Variants in ARSB observed in about 807,000 individuals in gnomAD.
The protein encoded by ARSB is N-acetylgalactosamine-4-sulfatase.
A neutral mutation model predicts 50.9 loss-of-function variants in ARSB; 41 were observed. The ratio of observed to expected loss-of-function variants is 0.81; its 90% CI spans 0.63 to 1.04. The LOEUF is 1.04. Ranked by LOEUF, ARSB falls within the 50% of genes least tolerant of loss-of-function variation. The pLI, the probability that ARSB is intolerant of heterozygous loss-of-function variation, is 0.00. For synonymous variants in ARSB, 269 were observed against 284.8 expected (o/e 0.94, Z 0.56); for missense variants, 672 against 693.3 (o/e 0.97, Z 0.35).
At chr5:78,798,518 G>T (rs752258985) in intron 6 of ARSB, among the ~76,000 whole-genome samples, 13 of 152,026 alleles carry the variant, frequency 8.6e-5, no homozygotes, top group Non-Finnish European at 1.6e-4. Flanking sequence ...CCCCTACATG[G>T]CATTTAGTGC....
At chr5:78,928,305 CTTTTTTTTTTTTTT>C (rs34737292) in intron 4 of ARSB, among the ~76,000 whole-genome samples, 2 of 72,574 alleles carry the variant, frequency 2.8e-5, no homozygotes, top group African/African-American at 5.0e-5. Flanking sequence ...TTTGCTTTTG[CTTTTTTTTTTTTTT>C]TTTTTTTTTT....
intron 4 of ARSB, among the ~76,000 whole-genome samples, chr5:78,894,098 T>A (rs1327443483): frequency 6.6e-6 from 1 of 152,152 alleles, no homozygotes; most frequent in Non-Finnish European, 1.5e-5. Context: ...AGAGAAGTAA[T>A]GAATGAGAAA....
intron 5 of ARSB, chr5:78,882,830 C>T (rs1286637860): frequency 8.3e-6 from 1 of 119,992 alleles, no homozygotes; most frequent in African/African-American, 3.2e-5. Context: ...GTCGCCGAGG[C>T]TGGAGTGCAG....
intron 3 of ARSB, among the ~76,000 whole-genome samples, chr5:78,960,682 A>C (rs996766315): frequency 2.0e-5 from 3 of 152,176 alleles, no homozygotes; most frequent in African/African-American, 7.2e-5. Context: ...CTCCTGCCTC[A>C]GCCTCCTGAC....
At chr5:78,897,297 T>C (rs1748608263) in intron 4 of ARSB, among the ~76,000 whole-genome samples, 1 of 152,164 alleles carries the variant, frequency 6.6e-6, no homozygotes, top group African/African-American at 2.4e-5. Flanking sequence ...CATTGCATCC[T>C]GAGCCCCCTA....
chr5:78,946,465 A>G (rs952687795), intron 4 of ARSB, among the ~76,000 whole-genome samples: 1 of 152,248 alleles, frequency 6.6e-6, no homozygotes, highest in Non-Finnish European at 1.5e-5. Context: ...CTATGTGCCA[A>G]CAGTGAACAA....
At chr5:78,940,527 T>C (rs1441294800) in intron 4 of ARSB, among the ~76,000 whole-genome samples, 8 of 152,228 alleles carry the variant, frequency 5.3e-5, no homozygotes, top group Non-Finnish European at 1.2e-4. Flanking sequence ...CCCAGCACCA[T>C]TTATTAAATA....
Position 78,778,606 on chromosome 5 carries a change from C to T in ARSB, c.*1791G>A, listed in dbSNP as rs920969946. The T allele has an allele frequency of 6.6e-6, 1 of 152,342 alleles. No homozygotes were observed. 9.4% of individuals were successfully genotyped at this position (152,342 alleles called of 1,614,324 possible). A position where few individuals can be genotyped will look rare whatever the true frequency, so the allele number is the denominator to read the frequency against. On this transcript the variant is annotated 3_prime_UTR_variant, in exon 8 of 8. Transcript: ENST00000264914. Reference sequence around the variant, plus strand: ...TATGCTCCTACCCCAGGAGGGGCAGCTTGAGAACAGAAAAGCAACAGCTGG... The same window carrying T: ...TATGCTCCTACCCCAGGAGGGGCAGTTTGAGAACAGAAAAGCAACAGCTGG...
Position 78,868,513 on chromosome 5 carries a change from T to G in ARSB, c.1142+17071A>C, listed in dbSNP as rs1485952992. 2.4e-5 allele frequency among the ~76,000 whole-genome samples: 3 copies of G among 127,146 alleles called. No homozygotes were observed. In the South Asian group the frequency reaches 8.6e-4, roughly 37 times the overall value. 83.4% of individuals were successfully genotyped at this position (127,146 alleles called of 152,430 possible). On this transcript the variant is annotated intron_variant, in intron 5 of 7. Coordinates refer to ENST00000264914, the MANE Select transcript of ARSB (RefSeq NM_000046.5). ...GGAGAGTGGGGGCCAATATTCAACA[T>G]TCTTAAAGAAAAGAATTTTCAACCC...
intron 6 of ARSB, among the ~76,000 whole-genome samples, chr5:78,828,980 A>C (rs34026363): frequency 0.1 from 15,990 of 152,306 alleles, 1,002 homozygotes; most frequent in Non-Finnish European, 0.14. Flanking sequence ...CCAGGTTCAA[A>C]GAATGTGCTA....
intron 4 of ARSB, among the ~76,000 whole-genome samples, chr5:78,943,812 T>C (rs1412663755): frequency 1.3e-5 from 2 of 152,222 alleles, no homozygotes; most frequent in Non-Finnish European, 2.9e-5. Flanking sequence ...TTCCTGAATC[T>C]GAATGTTGGC....
chr5:78,840,312 C>T (rs1452129182), intron 5 of ARSB, among the ~76,000 whole-genome samples: 1 of 152,144 alleles, frequency 6.6e-6, no homozygotes, highest in Non-Finnish European at 1.5e-5. Flanking sequence ...GTTAACACCA[C>T]AGGATTCATA....
At chr5:78,968,075 CTTA>C (rs1043553997) in intron 2 of ARSB, among the ~76,000 whole-genome samples, 2 of 151,946 alleles carry the variant, frequency 1.3e-5, no homozygotes, top group African/African-American at 4.8e-5. Flanking sequence ...TTATAAAATA[CTTA>C]TTATTATTTC....
intron 5 of ARSB, among the ~76,000 whole-genome samples, chr5:78,882,133 C>T (rs1173078484): frequency 6.6e-6 from 1 of 152,146 alleles, no homozygotes; most frequent in East Asian, 1.9e-4. Flanking sequence ...ATGTTATGAC[C>T]TACAGTTAAA....
At chr5:78,963,602 A>G (rs1752087896) in intron 3 of ARSB, among the ~76,000 whole-genome samples, 1 of 152,242 alleles carries the variant, frequency 6.6e-6, no homozygotes, top group African/African-American at 2.4e-5. Flanking sequence ...AGCTAAATCC[A>G]GAGAACTTAG....
At chr5:78,954,038 A>G (rs1022358035) in intron 4 of ARSB, among the ~76,000 whole-genome samples, 1 of 152,136 alleles carries the variant, frequency 6.6e-6, no homozygotes, top group Non-Finnish European at 1.5e-5. Context: ...AATAAATTCA[A>G]TAGGAAGCTT....
chr5:78,928,426 C>T (rs1750157930), intron 4 of ARSB, among the ~76,000 whole-genome samples: 1 of 148,274 alleles, frequency 6.7e-6, no homozygotes, highest in African/African-American at 2.5e-5. Context: ...AGCGATTCTC[C>T]TGCCTCAGCC....
chr5:78,916,597 T>C (rs1257354306), intron 4 of ARSB, among the ~76,000 whole-genome samples: 1 of 152,182 alleles, frequency 6.6e-6, no homozygotes, highest in Non-Finnish European at 1.5e-5. Flanking sequence ...CAACATCAAT[T>C]TGTTCTGCAG....
At chr5:78,879,493 A>T (rs751408239) in intron 5 of ARSB, among the ~76,000 whole-genome samples, 1 of 152,234 alleles carries the variant, frequency 6.6e-6, no homozygotes, top group Non-Finnish European at 1.5e-5. Flanking sequence ...GAAATTTGTA[A>T]CTATACAGCT....
Sources: allele counts gnomAD v4.1 joint callset (sites outside exome capture counted in the v4.1 genomes callset), GRCh38; gene constraint gnomAD v4.1.1; transcripts MANE v1.5; gene names NCBI Gene and HGNC (gene_info 2026-07-23, HGNC 2026-07-21).